Variants in MFSD11 observed in about 807,000 individuals in gnomAD.
The protein encoded by MFSD11 is UNC93-like protein MFSD11.
MFSD11 carries 36 observed loss-of-function variants against 53.5 expected under a neutral mutation model. The observed-to-expected ratio is 0.67, with a 90% CI of 0.52 to 0.89. The LOEUF is 0.89. Among genes scored for constraint, MFSD11 ranks in the 40% least tolerant of loss-of-function variants. MFSD11 has a pLI of 0.00. For synonymous variants in MFSD11, 186 were observed against 184.9 expected (o/e 1.01, Z -0.05); for missense variants, 530 against 543.9 (o/e 0.97, Z 0.25).
chr17:76,783,564 CT>C (rs966674928), downstream of MFSD11, among the ~76,000 whole-genome samples: 4 of 151,926 alleles, frequency 2.6e-5, no homozygotes, highest in Admixed American at 1.3e-4. Context: ...CCTTGGGGGT[CT>C]TTTGTTTTTT....
In MFSD11 at chr17:76,741,972, G is replaced by T. The variant is rs759827714; in HGVS notation, c.264G>T (p.Met88Ile). ...ACCTTGACCTGTTATATTTTAGCAT[G>T]TACATTGCCGTTTTCATCCAGCCTT... ...SMFASGLFYS[M>I]YIAVFIQPFP... The change falls in exon 4 of 13, where the codon ATG becomes ATT. Residue 88 changes from methionine to isoleucine, a missense_variant. Coordinates refer to ENST00000685175, the MANE Select transcript of MFSD11 (RefSeq NM_001242532.5). 1.4e-5 allele frequency: 22 copies of T among 1,613,974 alleles called. No individual in the cohort carries two copies. The highest frequency in any genetic ancestry group is 1.5e-5 in the Non-Finnish European group (18 of 1,179,988).
intron 1 of MFSD11, 73 bp downstream of exon 1, chr17:76,738,521 A>C: frequency 9.7e-7 from 1 of 1,028,120 alleles, no homozygotes; most frequent in Non-Finnish European, 1.5e-6. Flanking sequence ...ATAAACGTTC[A>C]TTATATCTAA....
the MFSD11 span, among the ~76,000 whole-genome samples, chr17:76,792,608 T>A: frequency 6.6e-6 from 1 of 151,486 alleles, no homozygotes; most frequent in East Asian, 1.9e-4. Context: ...CCGCCTAAAT[T>A]TGTCCATGTC....
chr17:76,788,073 G>A, the MFSD11 span, among the ~76,000 whole-genome samples: 1 of 148,454 alleles, frequency 6.7e-6, no homozygotes, highest in Non-Finnish European at 1.5e-5. Context: ...GGAGTGAAGT[G>A]GCCTGTCACC....
intron 7 of MFSD11, chr17:76,748,114 A>T: frequency 1.1e-5 from 1 of 88,624 alleles, no homozygotes. Flanking sequence ...GAGGGGGGAG[A>T]GTGGGGTGGC....
Position 76,749,707 on chromosome 17 carries a change from T to G in MFSD11, c.642-4340T>G, listed in dbSNP as rs144467912. On this transcript the variant is annotated intron_variant, in intron 7 of 12. Coordinates refer to ENST00000685175, the MANE Select transcript of MFSD11 (RefSeq NM_001242532.5). ...GAGATCGAGACCATCCTGGCCAACATGGTGAAACTCCGTCTCTACTAAAAA... is the reference window on the plus strand; with the variant it reads ...GAGATCGAGACCATCCTGGCCAACAGGGTGAAACTCCGTCTCTACTAAAAA... 8.1e-3 allele frequency among the ~76,000 whole-genome samples: 1,232 copies of G among 151,884 alleles called. 26 individuals carry two copies. The highest frequency in any genetic ancestry group is 0.029 in the African/African-American group (1,187 of 41,406).
At chr17:76,745,754 A>G (rs917303817) in intron 7 of MFSD11, among the ~76,000 whole-genome samples, 2 of 152,148 alleles carry the variant, frequency 1.3e-5, no homozygotes, top group African/African-American at 2.4e-5. Flanking sequence ...TGACCCTACA[A>G]TAGCCTCTAT....
chr17:76,736,704 C>G, upstream of MFSD11: 1 of 1,328,256 alleles, frequency 7.5e-7, no homozygotes, highest in Non-Finnish European at 9.7e-7. Context: ...CCCGTCCGGG[C>G]CCGCACCACG....
chr17:76,750,217 A>C (rs2078934651), intron 7 of MFSD11, among the ~76,000 whole-genome samples: 2 of 152,184 alleles, frequency 1.3e-5, no homozygotes, highest in Admixed American at 1.3e-4. Context: ...TTGGAATCCT[A>C]CATGGGATCC....
At chr17:76,736,877 G>A (rs751713049), upstream of MFSD11, 82 of 1,610,896 alleles carry the variant, frequency 5.1e-5, no homozygotes, top group African/African-American at 6.7e-5. Context: ...TGAGTCCGGG[G>A]GGCGGCCGTA....
downstream of MFSD11, among the ~76,000 whole-genome samples, chr17:76,783,607 G>A (rs1199771930): frequency 6.6e-6 from 1 of 152,160 alleles, no homozygotes; most frequent in Non-Finnish European, 1.5e-5. Context: ...TGCCCAGGCT[G>A]GAGTGCAATG....
At chr17:76,770,277 A>G (rs1240113245) in intron 10 of MFSD11, among the ~76,000 whole-genome samples, 1 of 151,976 alleles carries the variant, frequency 6.6e-6, no homozygotes, top group African/African-American at 2.4e-5. Flanking sequence ...TGACCTCATG[A>G]TCCGCCCACC....
the MFSD11 span, among the ~76,000 whole-genome samples, chr17:76,803,580 T>C: frequency 6.6e-6 from 1 of 152,104 alleles, no homozygotes. Context: ...ACCACCCAGA[T>C]CGATAAAATG....
At chr17:76,741,085 CT>C in intron 3 of MFSD11, 21 bp downstream of exon 3, 1 of 1,336,512 alleles carries the variant, frequency 7.5e-7, no homozygotes, top group Non-Finnish European at 1.1e-6. Flanking sequence ...TAATCTTGCA[CT>C]TATTTAATCA....
At chr17:76,740,914 G>A (rs1005460617) in intron 2 of MFSD11, 43 bp from the exon 3 acceptor site, 2 of 1,044,616 alleles carry the variant, frequency 1.9e-6, no homozygotes, top group Admixed American at 4.2e-5. Flanking sequence ...TAAGGGCTTT[G>A]TTCTTTTTTT....
chr17:76,753,950 G>A, intron 7 of MFSD11, 97 bp from the exon 8 acceptor site: 1 of 1,033,758 alleles, frequency 9.7e-7, no homozygotes, highest in Non-Finnish European at 1.4e-6. Flanking sequence ...CCTGGTATAG[G>A]ACAGGGTTTT....
At chr17:76,754,623 G>T (rs1176819916) in intron 8 of MFSD11, among the ~76,000 whole-genome samples, 2 of 147,414 alleles carry the variant, frequency 1.4e-5, no homozygotes, top group East Asian at 4.0e-4. Context: ...GGTGGAGGTT[G>T]TAGTGAGCCG....
chr17:76,751,840 AT>A lies in MFSD11; in HGVS notation c.642-2204del, dbSNP rs529017431. Among the ~76,000 whole-genome samples the A allele has an allele frequency of 4.6e-3, 703 of 152,264 alleles. 4 individuals carry two copies. Among genetic ancestry groups the A allele is most frequent in the Non-Finnish European group, 8.2e-3 (558 of 68,018 alleles). On this transcript the variant is annotated intron_variant, in intron 7 of 12. Transcript: ENST00000685175. ...CCCATGGGTAAGTCGTAGCATCCCT[AT>A]TTGATGAATGAGGAAATAATACTTG...
At chr17:76,750,646 G>A (rs1244126457) in intron 7 of MFSD11, among the ~76,000 whole-genome samples, 1 of 151,668 alleles carries the variant, frequency 6.6e-6, no homozygotes, top group African/African-American at 2.4e-5. Context: ...GTGAGCCACC[G>A]CGCCTGGCCG....
Sources: allele counts gnomAD v4.1 joint callset (sites outside exome capture counted in the v4.1 genomes callset), GRCh38; gene constraint gnomAD v4.1.1; transcripts MANE v1.5; gene names NCBI Gene and HGNC (gene_info 2026-07-23, HGNC 2026-07-21).